The following MOCS1 variants were observed in gnomAD, a reference collection of about 807,000 sequenced individuals.
MOCS1 encodes molybdenum cofactor biosynthesis protein 1.
MOCS1 carries 39 observed loss-of-function variants against 57.6 expected under a neutral mutation model. The observed-to-expected ratio is 0.68, with a 90% confidence interval of 0.52 to 0.88. MOCS1 has a LOEUF of 0.88. Ranked by LOEUF, MOCS1 falls within the 40% of genes least tolerant of loss-of-function variation. MOCS1 has a pLI of 0.00. For synonymous variants in MOCS1, 334 were observed against 335.7 expected (o/e 1.00, Z 0.05); for missense variants, 795 against 831.1 (o/e 0.96, Z 0.53).
chr6:39,912,879 C>A lies in MOCS1; in HGVS notation c.870+13G>T. 6.2e-7 allele frequency: 1 copy of A among 1,610,584 alleles called. No individual in the cohort carries two copies. The highest frequency in any genetic ancestry group is 8.5e-7 in the Non-Finnish European group (1 of 1,176,754). ...TTCCTCCAGGCCTGCCCCACACCCT[C>A]CTGCTCCCTAACCTTGGCTGTGCTG... is the stretch of plus-strand genomic sequence containing the variant. On this transcript the variant is annotated intron_variant, in intron 7 of 10. Transcript: ENST00000340692.
chr6:39,921,170 C>T (rs1582825183), intron 3 of MOCS1, among the ~76,000 whole-genome samples: 1 of 151,952 alleles, frequency 6.6e-6, no homozygotes, highest in South Asian at 2.1e-4. Context: ...GAGGCCGAGG[C>T]GGGTGGATCA....
At chr6:39,933,713 C>T (rs567382345) in intron 1 of MOCS1, among the ~76,000 whole-genome samples, 1 of 152,224 alleles carries the variant, frequency 6.6e-6, no homozygotes, top group South Asian at 2.1e-4. Flanking sequence ...TAATTTCTCA[C>T]CTGGAAGAAG....
In MOCS1 at chr6:39,905,667, G is replaced by A; in HGVS notation, c.*690C>T. 2 of 471,224 alleles carry A rather than the reference G, an allele frequency of 4.2e-6. No homozygotes were observed. Among genetic ancestry groups the A allele is most frequent in the Middle Eastern group, 6.5e-4 (2 of 3,078 alleles). 29.2% of individuals were successfully genotyped at this position (471,224 alleles called of 1,614,324 possible). On this transcript the variant is annotated 3_prime_UTR_variant, in exon 11 of 11. Coordinates refer to ENST00000340692, the MANE Select transcript of MOCS1 (RefSeq NM_001358530.2). The stretch of plus-strand genomic sequence containing the variant: ...GGGCCAGGTGTGGGCTGTGTGGTCT[G>A]GCAGGAGTCCTTAGGGCTATGGCCC...
chr6:39,909,811 C>A, intron 9 of MOCS1, 24 bp downstream of exon 9: 2 of 1,611,208 alleles, frequency 1.2e-6, no homozygotes, highest in Non-Finnish European at 1.7e-6. Context: ...CCATCCAGGC[C>A]AGCCCTCCCC....
chr6:39,922,773 G>A (rs1001607849), intron 3 of MOCS1, among the ~76,000 whole-genome samples: 2 of 152,148 alleles, frequency 1.3e-5, no homozygotes, highest in Non-Finnish European at 2.9e-5. Context: ...TGAGGTGAAC[G>A]GGACCTCAGG....
intron 8 of MOCS1, among the ~76,000 whole-genome samples, chr6:39,910,836 C>CG (rs113267560): frequency 6.1e-4 from 93 of 152,294 alleles, no homozygotes; most frequent in African/African-American, 2.1e-3. Context: ...CTCCCGCCCC[C>CG]CAGCTGGCTC....
intron 2 of MOCS1, 104 bp downstream of exon 2, chr6:39,927,225 A>T (rs556113503): frequency 1.4e-6 from 2 of 1,449,730 alleles, no homozygotes; most frequent in South Asian, 1.2e-5. Context: ...GAAGTTAGAA[A>T]GCAGAACTGG....
At chr6:39,913,188 C>A in intron 6 of MOCS1, 129 bp downstream of exon 6, 2 of 935,012 alleles carry the variant, frequency 2.1e-6, no homozygotes, top group Non-Finnish European at 3.5e-6. Flanking sequence ...TCCGAGAAGC[C>A]ACCAACAGCC....
Position 39,912,299 on chromosome 6 carries a change from T to C in MOCS1, c.946A>G (p.Asn316Asp). 1 of 1,613,608 alleles carries C rather than the reference T, an allele frequency of 6.2e-7. No homozygotes were observed. The highest frequency in any genetic ancestry group is 8.5e-7 in the Non-Finnish European group (1 of 1,180,016). Residue 316 changes from asparagine (N) to aspartate (D), a missense_variant, in exon 8 of 11, where the codon AAC becomes GAC. Physicochemically the swap from Asn to Asp is conservative, Grantham distance 23. Coordinates refer to ENST00000340692, the MANE Select transcript of MOCS1 (RefSeq NM_001358530.2). The stretch of plus-strand genomic sequence containing the variant: ...CCATCAGCTGTGATTCGCAGGCGGT[T>C]GCAGGTCCCACAGAAATGCTCAGAC... ...SMSEHFCGTC[N>D]RLRITADGNL...
At chr6:39,914,658 A>T (rs183436288) in intron 4 of MOCS1, among the ~76,000 whole-genome samples, 1 of 152,264 alleles carries the variant, frequency 6.6e-6, no homozygotes, top group Non-Finnish European at 1.5e-5. Context: ...GTGCCTAGAG[A>T]TGGCCTCCAT....
chr6:39,906,404 G>A lies in MOCS1; in HGVS notation c.1864C>T (p.Leu622Phe), dbSNP rs768421004. 10 of 1,602,672 alleles carry A rather than the reference G, an allele frequency of 6.2e-6. No homozygotes were observed. The highest frequency in any genetic ancestry group is 3.4e-6 in the Non-Finnish European group (4 of 1,171,218). Residue 622 changes from leucine (L) to phenylalanine (F), a missense_variant, in exon 11 of 11, where the codon CTC (leucine) becomes TTC (phenylalanine). Leu to Phe is a conservative substitution (Grantham distance 22, BLOSUM62 0). This residue lies in a region of MOCS1 where 374 missense variants were observed against 422.6 expected (regional missense o/e 0.89). Transcript: ENST00000340692. ...CGCTGACCACCAGTCTTGCTAATGAGCTTGATCTCCTCCAACACGATGTCC... is the reference window on the plus strand; with the variant it reads ...CGCTGACCACCAGTCTTGCTAATGAACTTGATCTCCTCCAACACGATGTCC... ...SRDIVLEEIK[L>F]ISKTGGQRGD...
At chr6:39,921,062 G>C (rs764025045) in intron 3 of MOCS1, among the ~76,000 whole-genome samples, 1 of 151,782 alleles carries the variant, frequency 6.6e-6, no homozygotes, top group African/African-American at 2.4e-5. Context: ...CAGTGGGGTG[G>C]GGGCAGGGTA....
Position 39,934,325 on chromosome 6 carries a change from G to T in MOCS1, c.93C>A (p.Cys31Ter), listed in dbSNP as rs1230777735. The change falls in exon 1 of 11, where the codon TGC becomes TGA. Residue 31 changes from cysteine (C) to a stop codon, truncating the protein, a stop_gained. Transcript: ENST00000340692. LOFTEE classifies it high-confidence loss of function. ...AGGCAGCTCGCGCGGACTCCCCGGG[G>T]CAGGGCTGGGTCACCGGAGCCCCTG... is the stretch of plus-strand genomic sequence containing the variant. The part of the protein sequence containing the change: ...CSSGAPVTQP[C>*]PGESARAASE... 3 of 1,549,786 alleles carry T rather than the reference G, an allele frequency of 1.9e-6. No individual in the cohort carries two copies. The highest frequency in any genetic ancestry group is 2.6e-6 in the Non-Finnish European group (3 of 1,152,242).
At chr6:39,911,805 T>C (rs1294741885) in intron 8 of MOCS1, among the ~76,000 whole-genome samples, 1 of 152,210 alleles carries the variant, frequency 6.6e-6, no homozygotes, top group Non-Finnish European at 1.5e-5. Context: ...CTCTGTTTGG[T>C]CTTGCCTGTG....
Position 39,905,496 on chromosome 6 carries a change from C to T in MOCS1, c.*861G>A, listed in dbSNP as rs995728239. 2.1e-6 allele frequency: 1 copy of T among 471,194 alleles called. No homozygotes were observed. Among genetic ancestry groups the T allele is most frequent in the Admixed American group, 2.3e-5 (1 of 42,588 alleles). 29.2% of individuals were successfully genotyped at this position (471,194 alleles called of 1,614,324 possible). A position where few individuals can be genotyped will look rare whatever the true frequency, so the allele number is the denominator to read the frequency against. On this transcript the variant is annotated 3_prime_UTR_variant, in exon 11 of 11. Coordinates refer to ENST00000340692, the MANE Select transcript of MOCS1 (RefSeq NM_001358530.2). ...GAAACTGCAGCAGCTCAGTGCCCTA[C>T]CCACACAGTGTCTTCATTCTTGCAT...
In MOCS1 at chr6:39,917,855, A is replaced by G. The variant is rs963541963; in HGVS notation, c.419-1623T>C. 4.6e-5 allele frequency among the ~76,000 whole-genome samples: 7 copies of G among 152,368 alleles called. No homozygotes were observed. The East Asian group carries it at 1.2e-3, about 25-fold the overall frequency. ...TACAAGAAGAAAAAACTTGAGAAGC[A>G]GAATGAACACAGGAATGAATGAGCA... On this transcript the variant is annotated intron_variant, in intron 3 of 10. Transcript: ENST00000340692.
At position 39,904,235 on chromosome 6, in the gene MOCS1, C is replaced by T. The variant is rs1766653564; in HGVS notation, c.*2122G>A. 3 of 456,632 alleles carry T rather than the reference C, an allele frequency of 6.6e-6. No individual in the cohort carries two copies. Among genetic ancestry groups the T allele is most frequent in the Admixed American group, 2.3e-5 (1 of 42,562 alleles). The allele number at this position is 456,632 out of a possible 1,614,324, so 28.3% of individuals were successfully genotyped here. A position where few individuals can be genotyped will look rare whatever the true frequency, so the allele number is the denominator to read the frequency against. On this transcript the variant is annotated 3_prime_UTR_variant, in exon 11 of 11. Coordinates refer to ENST00000340692, the MANE Select transcript of MOCS1 (RefSeq NM_001358530.2). Reference sequence around the variant, plus strand: ...CAACTGTTGACAGAGGACACAAATACGTTGTTCCAGAGCTCAGCCTTCTCA... The same window carrying T: ...CAACTGTTGACAGAGGACACAAATATGTTGTTCCAGAGCTCAGCCTTCTCA...
chr6:39,925,137 C>T (rs773916598), intron 3 of MOCS1, among the ~76,000 whole-genome samples: 2 of 152,178 alleles, frequency 1.3e-5, no homozygotes, highest in South Asian at 4.1e-4. Flanking sequence ...AAACACATGT[C>T]GGCCCAGATT....
In MOCS1 at chr6:39,916,131, C is replaced by T. The variant is rs143573353; in HGVS notation, c.520G>A (p.Ala174Thr). 1.7e-4 allele frequency: 278 copies of T among 1,613,916 alleles called. No homozygotes were observed. The highest frequency in any genetic ancestry group is 8.3e-4 in the Middle Eastern group (5 of 6,048). ...AGGGTGTCCAGGCTGATGTTGATGG[C>T]ACTGAGACCAGCCTTCTGAAGCTGG... ...LPQLQKAGLS[A>T]INISLDTLVP... The change falls in exon 4 of 11, where the codon GCC becomes ACC. Residue 174 changes from alanine (A) to threonine (T), a missense_variant. Physicochemically the swap from Ala to Thr is moderately conservative, Grantham distance 58 (BLOSUM62 0). Coordinates refer to ENST00000340692, the MANE Select transcript of MOCS1 (RefSeq NM_001358530.2).
Sources: gnomAD v4.1 joint callset for allele counts (sites outside exome capture counted in the v4.1 genomes callset) on GRCh38, gnomAD v4.1.1 for gene constraint, gnomAD v4.1.1 regional missense constraint, MANE v1.5 for transcripts, NCBI Gene and HGNC (gene_info 2026-07-23, HGNC 2026-07-21) for gene names.